ZSWIM6: variants seen among roughly 807,000 people sequenced by gnomAD.
ZSWIM6 encodes zinc finger SWIM-type containing 6, also known as zinc finger SWIM domain-containing protein 6.
A neutral mutation model predicts 113.2 loss-of-function variants in ZSWIM6; 9 were observed. The observed-to-expected ratio is 0.08, with a 90% confidence interval of 0.05 to 0.14. ZSWIM6 has a LOEUF of 0.14. Among genes scored for constraint, ZSWIM6 ranks in the 10% least tolerant of loss-of-function variants. ZSWIM6 has a pLI of 1.00. For missense variants in ZSWIM6, 1,162 were observed against 1,552.2 expected, an observed-to-expected ratio of 0.75 and a Z score of 4.22; for synonymous variants, 611 against 606.5, an observed-to-expected ratio of 1.01 and a Z score of -0.11.
At chr5:61,373,372 C>CTTTTTT (rs748556109) in intron 1 of ZSWIM6, among the ~76,000 whole-genome samples, 79 of 102,926 alleles carry the variant, frequency 7.7e-4, no homozygotes, top group African/African-American at 1.0e-3. Flanking sequence ...CTCAGTATTT[C>CTTTTTT]TTTTTTTTTT....
intron 1 of ZSWIM6, among the ~76,000 whole-genome samples, chr5:61,431,466 C>T (rs1188838324): frequency 6.8e-6 from 1 of 147,890 alleles, no homozygotes; most frequent in Non-Finnish European, 1.5e-5. Context: ...TGACTACTGG[C>T]TGGGCGCAGT....
chr5:61,391,918 AC>A (rs1745725761), intron 1 of ZSWIM6: 1 of 555,790 alleles, frequency 1.8e-6, no homozygotes, highest in Non-Finnish European at 3.2e-6. Context: ...TATTTTCAAA[AC>A]TTTTTGAGCC....
intron 1 of ZSWIM6, among the ~76,000 whole-genome samples, chr5:61,351,430 T>C (rs1427091623): frequency 6.6e-6 from 1 of 152,236 alleles, no homozygotes; most frequent in Non-Finnish European, 1.5e-5. Flanking sequence ...TGTTTGTGAA[T>C]TCCTTATGTC....
At chr5:61,489,459 A>G (rs879452140) in intron 2 of ZSWIM6, among the ~76,000 whole-genome samples, 15 of 152,106 alleles carry the variant, frequency 9.9e-5, no homozygotes, top group Non-Finnish European at 1.8e-4. Context: ...TATAGCTTAT[A>G]AAATCAGTTT....
At chr5:61,359,607 G>C (rs1208135733) in intron 1 of ZSWIM6, among the ~76,000 whole-genome samples, 1 of 152,152 alleles carries the variant, frequency 6.6e-6, no homozygotes, top group African/African-American at 2.4e-5. Context: ...TTTGGAGCCT[G>C]GGTGAGGGAA....
Position 61,442,958 on chromosome 5 carries a change from A to G in ZSWIM6, c.677-29723A>G, listed in dbSNP as rs1017639403. Among the ~76,000 whole-genome samples, 57 of 152,218 alleles carry G rather than the reference A, an allele frequency of 3.7e-4. 1 individual carries two copies. Among genetic ancestry groups the G allele is most frequent in the Admixed American group, 3.7e-3 (57 of 15,282 alleles). On this transcript the variant is annotated intron_variant, in intron 1 of 13. Transcript: ENST00000252744. ...AAACAAACAAAACCCATTAAAAATT[A>G]TTTCAGTCTTCCATTAGTTCAGTGC... is the stretch of plus-strand genomic sequence containing the variant.
At chr5:61,506,013 T>C (rs1428201962) in intron 4 of ZSWIM6, among the ~76,000 whole-genome samples, 1 of 151,984 alleles carries the variant, frequency 6.6e-6, no homozygotes, top group Admixed American at 6.6e-5. Flanking sequence ...CCCAAAGTGC[T>C]GGGATTACAG....
chr5:61,443,830 A>G (rs879269585), intron 1 of ZSWIM6, among the ~76,000 whole-genome samples: 1 of 152,186 alleles, frequency 6.6e-6, no homozygotes, highest in Admixed American at 6.5e-5. Context: ...TAAAAATTTT[A>G]TTTGAAAGAG....
At chr5:61,495,158 CTA>C (rs1293894656) in intron 4 of ZSWIM6, among the ~76,000 whole-genome samples, 3 of 151,998 alleles carry the variant, frequency 2.0e-5, no homozygotes, top group Admixed American at 6.6e-5. Context: ...GTAATGTTGT[CTA>C]TATTTACTAG....
chr5:61,489,501 G>T (rs1422322459), intron 2 of ZSWIM6, among the ~76,000 whole-genome samples: 1 of 152,008 alleles, frequency 6.6e-6, no homozygotes, highest in Non-Finnish European at 1.5e-5. Flanking sequence ...TTTAAAAAAT[G>T]AAATAGAGTA....
At chr5:61,415,483 T>C (rs1225408777) in intron 1 of ZSWIM6, among the ~76,000 whole-genome samples, 3 of 151,670 alleles carry the variant, frequency 2.0e-5, no homozygotes, top group African/African-American at 2.4e-5. Flanking sequence ...TCCCAGCTAC[T>C]CGGGAGGCTG....
chr5:61,531,855 C>G, intron 9 of ZSWIM6, 130 bp downstream of exon 9: 4 of 1,012,484 alleles, frequency 4.0e-6, no homozygotes, highest in Non-Finnish European at 5.7e-6. Flanking sequence ...CATGGGGTAT[C>G]AAAGACATGT....
chr5:61,543,590 A>G lies in ZSWIM6; in HGVS notation c.2921A>G (p.Glu974Gly). The change falls in exon 14 of 14, where the codon GAA becomes GGA. Residue 974 changes from glutamate to glycine, a missense_variant. Transcript: ENST00000252744. This position sits in a 1 kb window ranked among gnomAD's most constrained non-coding sequence, Gnocchi z 4.3. ...VRLHLDCHQQ[E>G]KLASSARTLA... The stretch of plus-strand genomic sequence containing the variant: ...CTCCACCTGGACTGCCACCAGCAGG[A>G]AAAGCTGGCCAGCAGCGCCCGGACA... 1.3e-6 allele frequency: 2 copies of G among 1,551,780 alleles called. No homozygotes were observed. Among genetic ancestry groups the G allele is most frequent in the Non-Finnish European group, 1.7e-6 (2 of 1,147,028 alleles).
chr5:61,399,961 G>T (rs1579976507), intron 1 of ZSWIM6, among the ~76,000 whole-genome samples: 1 of 152,134 alleles, frequency 6.6e-6, no homozygotes, highest in East Asian at 1.9e-4. Context: ...ACACTCGGGG[G>T]TATAGATGAT....
At chr5:61,475,460 C>T (rs1220052283) in intron 2 of ZSWIM6, among the ~76,000 whole-genome samples, 2 of 152,146 alleles carry the variant, frequency 1.3e-5, no homozygotes, top group Non-Finnish European at 2.9e-5. Flanking sequence ...TTCATAGTTT[C>T]TAAAATAGGA....
rs148078574 is a variant in ZSWIM6 at position 61,418,241 on chromosome 5, T to C, written c.677-54440T>C. On this transcript the variant is annotated intron_variant, in intron 1 of 13. Transcript: ENST00000252744. ...AATTTTAACACAAAGAAGGATTCAATACAGAACTAGTCTATGATTTATTTA... is the reference window on the plus strand; with the variant it reads ...AATTTTAACACAAAGAAGGATTCAACACAGAACTAGTCTATGATTTATTTA... Among the ~76,000 whole-genome samples the C allele has an allele frequency of 3.9e-5, 6 of 152,290 alleles. No individual in the cohort carries two copies. The East Asian group carries it at 1.2e-3, about 29-fold the overall frequency.
chr5:61,455,050 T>G (rs969218762), intron 1 of ZSWIM6, among the ~76,000 whole-genome samples: 3 of 152,052 alleles, frequency 2.0e-5, no homozygotes, highest in Non-Finnish European at 2.9e-5. Flanking sequence ...GTGTCTTTTT[T>G]AAAAAATAGG....
At chr5:61,475,501 T>G (rs966888971) in intron 2 of ZSWIM6, among the ~76,000 whole-genome samples, 1 of 152,212 alleles carries the variant, frequency 6.6e-6, no homozygotes, top group Non-Finnish European at 1.5e-5. Context: ...GTAGGTTACC[T>G]TTAGACTCAA....
chr5:61,355,785 AAAG>A (rs1744894452), intron 1 of ZSWIM6, among the ~76,000 whole-genome samples: 1 of 152,250 alleles, frequency 6.6e-6, no homozygotes, highest in African/African-American at 2.4e-5. Flanking sequence ...AGTGCAATAA[AAAG>A]AATGTAAAAC....
Sources: gnomAD v4.1 joint callset for allele counts (sites outside exome capture counted in the v4.1 genomes callset) on GRCh38, gnomAD v4.1.1 for gene constraint, Gnocchi (gnomAD v3.1) non-coding constraint, MANE v1.5 for transcripts, NCBI Gene and HGNC (gene_info 2026-07-23, HGNC 2026-07-21) for gene names.